Variants in SV2B observed in about 807,000 individuals in gnomAD.
The protein encoded by SV2B is solute carrier family 22 member B2.
A neutral mutation model predicts 73.9 loss-of-function variants in SV2B; 41 were observed. The observed-to-expected ratio is 0.56, with a 90% CI of 0.43 to 0.72. SV2B has a LOEUF of 0.72. Ranked by LOEUF, SV2B falls within the 30% of genes least tolerant of loss-of-function variation. The pLI, the probability that SV2B is intolerant of heterozygous loss-of-function variation, is 0.00. For synonymous variants in SV2B, 314 were observed against 314.2 expected (o/e 1.00, Z 0.01); for missense variants, 764 against 857.8 (o/e 0.89, Z 1.37).
At chr15:91,174,962 A>G (rs11858835) in intron 1 of SV2B, among the ~76,000 whole-genome samples, 69,263 of 152,024 alleles carry the variant, frequency 0.46, 18,998 homozygotes, top group African/African-American at 0.76. Flanking sequence ...GAGATGGATC[A>G]CCATGAAGTT....
intron 1 of SV2B, among the ~76,000 whole-genome samples, chr15:91,204,800 G>A (rs565185035): frequency 7.2e-5 from 11 of 152,044 alleles, no homozygotes; most frequent in South Asian, 4.2e-4. Flanking sequence ...CAAGTAATCC[G>A]CTCACCTCGC....
rs772607628 is a variant in SV2B at position 91,252,468 on chromosome 15, G to A, written c.732G>A (p.Met244Ile). Residue 244 changes from methionine (M) to isoleucine (I), a missense_variant, in exon 4 of 13, where the codon ATG (methionine) becomes ATA (isoleucine). Met to Ile is a conservative substitution (Grantham distance 10). Coordinates refer to ENST00000394232, the MANE Select transcript of SV2B (RefSeq NM_001323032.3). The surrounding 1 kb of genome is among the most constrained non-coding windows in gnomAD (Gnocchi z 4.6). ...EHLSWLGIFW[M>I]TGGLYASAMA... The stretch of plus-strand genomic sequence containing the variant: ...TCAGTTGGCTGGGCATCTTCTGGAT[G>A]ACTGGGGGCCTGTACGCATCTGCCA... 3 of 1,613,794 alleles carry A rather than the reference G, an allele frequency of 1.9e-6. No individual in the cohort carries two copies. The highest frequency in any genetic ancestry group is 1.7e-6 in the Non-Finnish European group (2 of 1,179,838).
chr15:91,196,159 A>T (rs1324752949), intron 1 of SV2B, among the ~76,000 whole-genome samples: 1 of 152,232 alleles, frequency 6.6e-6, no homozygotes, highest in Non-Finnish European at 1.5e-5. Context: ...CTTGCTAGAA[A>T]TTAGTCATGG....
chr15:91,260,136 G>T (rs1378060419), intron 5 of SV2B, among the ~76,000 whole-genome samples, 184 bp from the exon 6 acceptor site: 10 of 152,158 alleles, frequency 6.6e-5, no homozygotes, highest in African/African-American at 2.4e-4. Context: ...AATGGCTGGG[G>T]ATGGAAGCTT....
chr15:91,128,222 C>T lies in SV2B; in HGVS notation c.-392+27859C>T, dbSNP rs1234109009. ...CCCTCCTGGGAGCTGTTTTCACCCT[C>T]TTCCACCAGTGAGTCATCCGCAGAG... On this transcript the variant is annotated intron_variant, in intron 1 of 12. Coordinates refer to ENST00000394232, the MANE Select transcript of SV2B (RefSeq NM_001323032.3). This position sits in a 1 kb window ranked among gnomAD's most constrained non-coding sequence, Gnocchi z 4.2. Among the ~76,000 whole-genome samples, 1 of 152,188 alleles carries T rather than the reference C, an allele frequency of 6.6e-6. No individual in the cohort carries two copies.
Position 91,251,902 on chromosome 15 carries a change from A to C in SV2B, c.535A>C (p.Ser179Arg), listed in dbSNP as rs1384914841. Residue 179 changes from serine to arginine, a missense_variant, in exon 3 of 13, where the codon AGC (serine) becomes CGC (arginine). Ser to Arg is a moderately radical substitution (Grantham distance 110). Coordinates refer to ENST00000394232, the MANE Select transcript of SV2B (RefSeq NM_001323032.3). The stretch of plus-strand genomic sequence containing the variant: ...TAAGCTGGGAAGGAAGCGAGTCCTC[A>C]GCATGTCTCTGGCCGTCAATGCCTC... ...ADKLGRKRVL[S>R]MSLAVNASFA... 1.4e-5 allele frequency: 23 copies of C among 1,614,152 alleles called. No homozygotes were observed. The highest frequency in any genetic ancestry group is 1.9e-5 in the Non-Finnish European group (22 of 1,180,000).
chr15:91,192,086 G>C (rs2053024178), intron 1 of SV2B, among the ~76,000 whole-genome samples: 1 of 152,034 alleles, frequency 6.6e-6, no homozygotes, highest in Non-Finnish European at 1.5e-5. Flanking sequence ...TATTAGTATT[G>C]ATCTTTAGTT....
At chr15:91,200,646 C>T (rs530904727) in intron 1 of SV2B, among the ~76,000 whole-genome samples, 93 of 152,230 alleles carry the variant, frequency 6.1e-4, no homozygotes, top group Non-Finnish European at 1.2e-3. Flanking sequence ...CACGGTGGCT[C>T]ACAGCTGTAA....
At chr15:91,269,635 A>T (rs1162724877) in intron 9 of SV2B, among the ~76,000 whole-genome samples, 3 of 152,194 alleles carry the variant, frequency 2.0e-5, no homozygotes, top group Admixed American at 6.5e-5. Context: ...TTAGGAAAGG[A>T]ATGGCTGGGT....
At chr15:91,163,338 C>T (rs2043793666) in intron 1 of SV2B, among the ~76,000 whole-genome samples, 1 of 152,208 alleles carries the variant, frequency 6.6e-6, no homozygotes, top group Non-Finnish European at 1.5e-5. Flanking sequence ...GGAATCGCCA[C>T]ACTGATTTCC....
At position 91,226,163 on chromosome 15, in the gene SV2B, T is replaced by G. The variant is rs1176766879; in HGVS notation, c.-101T>G. On this transcript the variant is annotated 5_prime_UTR_variant, in exon 2 of 13. An upstream open reading frame in the 5' UTR loses its in-frame stop. Coordinates refer to ENST00000394232, the MANE Select transcript of SV2B (RefSeq NM_001323032.3). The stretch of plus-strand genomic sequence containing the variant: ...AAGTCACATGAACATATTTCACATT[T>G]GAACTACATAATGAATGATGGTTAT... 14 of 1,157,212 alleles carry G rather than the reference T, an allele frequency of 1.2e-5. No homozygotes were observed. 71.7% of individuals were successfully genotyped at this position (1,157,212 alleles called of 1,614,324 possible).
intron 6 of SV2B, among the ~76,000 whole-genome samples, chr15:91,260,858 A>G (rs2047888109): frequency 6.6e-6 from 1 of 152,222 alleles, no homozygotes; most frequent in Admixed American, 6.5e-5. Context: ...TGATAAACCC[A>G]TCAGATCTCA....
chr15:91,278,381 C>A (rs776909093), intron 9 of SV2B, among the ~76,000 whole-genome samples: 1 of 151,884 alleles, frequency 6.6e-6, no homozygotes, highest in Non-Finnish European at 1.5e-5. Flanking sequence ...AGGCCTGACC[C>A]CTACACCTGG....
At position 91,227,637 on chromosome 15, in the gene SV2B, C is replaced by T. The variant is rs545088650; in HGVS notation, c.451+923C>T. ...GCTCAAAATCTATCTAGCAATTCAG[C>T]TCCTTCATTCAACAAATATCTTTTA... is the stretch of plus-strand genomic sequence containing the variant. On this transcript the variant is annotated intron_variant, in intron 2 of 12. Transcript: ENST00000394232. The surrounding 1 kb of genome is among the most constrained non-coding windows in gnomAD (Gnocchi z 4.5). 6.6e-6 allele frequency among the ~76,000 whole-genome samples: 1 copy of T among 152,224 alleles called. No homozygotes were observed. Among genetic ancestry groups the T allele is most frequent in the Non-Finnish European group, 1.5e-5 (1 of 68,048 alleles).
At chr15:91,219,096 G>T (rs2046132743) in intron 1 of SV2B, among the ~76,000 whole-genome samples, 1 of 152,076 alleles carries the variant, frequency 6.6e-6, no homozygotes, top group African/African-American at 2.4e-5. Flanking sequence ...CTACAGGTGT[G>T]CACCATCACA....
chr15:91,159,439 G>T (rs1190287265), intron 1 of SV2B, among the ~76,000 whole-genome samples: 2 of 152,020 alleles, frequency 1.3e-5, no homozygotes, highest in South Asian at 2.1e-4. Context: ...CCAAATAATT[G>T]CATTAACAAT....
intron 1 of SV2B, among the ~76,000 whole-genome samples, chr15:91,126,582 G>A (rs893688795): frequency 9.9e-5 from 15 of 151,996 alleles, no homozygotes; most frequent in Non-Finnish European, 1.3e-4. Flanking sequence ...CAAATACCTC[G>A]GATATATAGA....
At chr15:91,186,433 C>G (rs1384743361) in intron 1 of SV2B, among the ~76,000 whole-genome samples, 1 of 152,214 alleles carries the variant, frequency 6.6e-6, no homozygotes, top group Admixed American at 6.5e-5. Context: ...AGTTTTGAAG[C>G]CTAGTCCACA....
intron 6 of SV2B, among the ~76,000 whole-genome samples, chr15:91,264,892 C>A (rs1234911215): frequency 6.6e-6 from 1 of 152,120 alleles, no homozygotes; most frequent in Non-Finnish European, 1.5e-5. Context: ...TGAGGCATAA[C>A]TTCTGCTTTT....
Sources: gnomAD v4.1 joint callset for allele counts (sites outside exome capture counted in the v4.1 genomes callset) on GRCh38, gnomAD v4.1.1 for gene constraint, Gnocchi (gnomAD v3.1) non-coding constraint, MANE v1.5 for transcripts, NCBI Gene and HGNC (gene_info 2026-07-23, HGNC 2026-07-21) for gene names.